The following ANKS1B variants were observed in gnomAD, a reference collection of about 807,000 sequenced individuals.
ANKS1B encodes ankyrin repeat and sterile alpha motif domain-containing protein 1B.
ANKS1B carries 36 observed loss-of-function variants against 148.3 expected under a neutral mutation model. The observed-to-expected ratio is 0.24, with a 90% CI of 0.19 to 0.32. ANKS1B has a LOEUF of 0.32. Ranked by LOEUF, ANKS1B falls within the 10% of genes least tolerant of loss-of-function variation. The pLI, the probability that ANKS1B is intolerant of heterozygous loss-of-function variation, is 1.00. For synonymous variants in ANKS1B, 542 were observed against 560.8 expected (o/e 0.97, Z 0.47); for missense variants, 1,157 against 1,542.6 (o/e 0.75, Z 4.19).
In ANKS1B at chr12:99,060,512, C is replaced by T. The variant is rs557067817; in HGVS notation, c.2626-7203G>A. ...TTTAAAAAGAAATGTTTGAAAACCACGAATCTAGAAGACTTTTGTAAGATT... is the reference window on the plus strand; with the variant it reads ...TTTAAAAAGAAATGTTTGAAAACCATGAATCTAGAAGACTTTTGTAAGATT... On this transcript the variant is annotated intron_variant, in intron 16 of 26. Transcript: ENST00000683438. 5.9e-5 allele frequency among the ~76,000 whole-genome samples: 9 copies of T among 152,054 alleles called. No homozygotes were observed. In the East Asian group the frequency reaches 1.5e-3, roughly 26 times the overall value.
chr12:98,774,761 C>T (rs1298128096), intron 24 of ANKS1B, among the ~76,000 whole-genome samples: 1 of 152,156 alleles, frequency 6.6e-6, no homozygotes, highest in Non-Finnish European at 1.5e-5. Flanking sequence ...CCTCACTTTA[C>T]CAAGCTGAGT....
intron 14 of ANKS1B, among the ~76,000 whole-genome samples, chr12:99,215,180 G>C (rs2083969054): frequency 6.6e-6 from 1 of 152,332 alleles, no homozygotes; most frequent in African/African-American, 2.4e-5. Context: ...CTTACATGTG[G>C]TGTTGGGCCT....
chr12:99,883,078 G>A (rs1033180661), intron 1 of ANKS1B, among the ~76,000 whole-genome samples: 20 of 152,214 alleles, frequency 1.3e-4, no homozygotes, highest in African/African-American at 4.8e-4. Context: ...GAAAGGAAGA[G>A]AGAACAACAG....
chr12:99,521,769 G>A (rs1238261604), intron 9 of ANKS1B, among the ~76,000 whole-genome samples: 2 of 152,018 alleles, frequency 1.3e-5, no homozygotes, highest in African/African-American at 4.8e-5. Flanking sequence ...CCTGGAACTT[G>A]GGGTATGGTG....
chr12:98,991,967 A>C (rs575053823), intron 17 of ANKS1B, among the ~76,000 whole-genome samples: 71 of 152,330 alleles, frequency 4.7e-4, no homozygotes, highest in Non-Finnish European at 6.9e-4. Flanking sequence ...TATGAAAAAG[A>C]TAATAATAGA....
chr12:98,785,563 T>C (rs2098784709), intron 22 of ANKS1B, among the ~76,000 whole-genome samples: 1 of 152,186 alleles, frequency 6.6e-6, no homozygotes, highest in African/African-American at 2.4e-5. Flanking sequence ...ATCTAGTAAG[T>C]GCCCACTTCA....
chr12:99,273,660 T>C (rs1368048360), intron 12 of ANKS1B, among the ~76,000 whole-genome samples: 2 of 131,720 alleles, frequency 1.5e-5, no homozygotes, highest in Non-Finnish European at 3.1e-5. Flanking sequence ...CACTGGAACC[T>C]CCACCCCTCC....
At chr12:98,871,795 T>C (rs1019044143) in intron 17 of ANKS1B, among the ~76,000 whole-genome samples, 1 of 152,162 alleles carries the variant, frequency 6.6e-6, no homozygotes, top group Admixed American at 6.5e-5. Flanking sequence ...GGGAACAAAT[T>C]ACTGGAATTT....
In ANKS1B at chr12:99,139,440, TTTTC is replaced by T. The variant is rs1427673775; in HGVS notation, c.2526+14845_2526+14848del. The stretch of plus-strand genomic sequence containing the variant: ...TTTCTTTCTTTCTTTCTTTCTTTCT[TTTTC>T]TTTCTTTCTTTCTTTCAAGATAGGA... On this transcript the variant is annotated intron_variant, in intron 15 of 26. Transcript: ENST00000683438. Among the ~76,000 whole-genome samples the T allele has an allele frequency of 3.8e-3, 18 of 4,732 alleles. 6 individuals carry two copies. In the East Asian group the frequency reaches 0.47, roughly 123 times the overall value. The allele number at this position is 4,732 out of a possible 152,430, so 3.1% of individuals were successfully genotyped here.
intron 17 of ANKS1B, among the ~76,000 whole-genome samples, chr12:98,952,746 T>C (rs1216142286): frequency 6.6e-6 from 1 of 152,216 alleles, no homozygotes; most frequent in African/African-American, 2.4e-5. Flanking sequence ...AATCCAGATA[T>C]CTAAATCCAA....
intron 8 of ANKS1B, among the ~76,000 whole-genome samples, chr12:99,769,012 CT>C (rs11431790): frequency 0.18 from 26,591 of 146,424 alleles, 2,812 homozygotes; most frequent in East Asian, 0.49. Context: ...GAAATAAATG[CT>C]TTTTTTTTTT....
At chr12:99,850,281 G>GTCTCTCCCTCTCTCCCTCTCTC (rs57015094) in intron 1 of ANKS1B, among the ~76,000 whole-genome samples, 5 of 114,206 alleles carry the variant, frequency 4.4e-5, no homozygotes, top group Admixed American at 8.6e-5. Context: ...AAGCAAGAAA[G>GTCTCTCCCTCTCTCCCTCTCTC]TCTCTCTCTC....
rs145845935 is a variant in ANKS1B, at chr12:99,066,227, G to A, written c.2626-12918C>T. On this transcript the variant is annotated intron_variant, in intron 16 of 26. Coordinates refer to ENST00000683438, the MANE Select transcript of ANKS1B (RefSeq NM_001352186.2). ...GCTACTCAGGAGGTTAGGTTGAGGC[G>A]CGAGAATTGCTTGAACCCAGGAGGC... 5.9e-4 allele frequency among the ~76,000 whole-genome samples: 90 copies of A among 152,176 alleles called. 1 individual carries two copies. The highest frequency in any genetic ancestry group is 6.8e-3 in the Middle Eastern group (2 of 294).
At chr12:99,712,611 G>T (rs2056790807) in intron 8 of ANKS1B, among the ~76,000 whole-genome samples, 1 of 152,200 alleles carries the variant, frequency 6.6e-6, no homozygotes, top group Non-Finnish European at 1.5e-5. Flanking sequence ...GGATCTATGG[G>T]TGAGGCTCTG....
intron 14 of ANKS1B, among the ~76,000 whole-genome samples, chr12:99,168,809 T>A (rs2077457156): frequency 1.3e-5 from 2 of 152,158 alleles, no homozygotes; most frequent in Admixed American, 1.3e-4. Flanking sequence ...GGCATGTTCT[T>A]AATATCAGTC....
chr12:98,805,299 C>T (rs2099041632), intron 20 of ANKS1B, among the ~76,000 whole-genome samples: 1 of 74,526 alleles, frequency 1.3e-5, no homozygotes, highest in African/African-American at 5.7e-5. Flanking sequence ...TATATGTATG[C>T]TTAAGGCCTT....
At chr12:98,960,301 T>C (rs11833201) in intron 17 of ANKS1B, among the ~76,000 whole-genome samples, 16,084 of 151,814 alleles carry the variant, frequency 0.11, 2,285 homozygotes, top group African/African-American at 0.32. Flanking sequence ...GAGAGAGAGA[T>C]GCCATTTGTT....
intron 12 of ANKS1B, among the ~76,000 whole-genome samples, chr12:99,332,099 C>T (rs1415021010): frequency 6.6e-6 from 1 of 151,920 alleles, no homozygotes; most frequent in East Asian, 1.9e-4. Flanking sequence ...ATGAGAAATC[C>T]TTTCCCTCGA....
intron 1 of ANKS1B, among the ~76,000 whole-genome samples, chr12:99,910,880 T>A (rs1425383783): frequency 6.6e-6 from 1 of 152,300 alleles, no homozygotes; most frequent in South Asian, 2.1e-4. Context: ...CTTGATTGTA[T>A]GAGAATGGTA....
Sources: allele counts gnomAD v4.1 joint callset (sites outside exome capture counted in the v4.1 genomes callset), GRCh38; gene constraint gnomAD v4.1.1; transcripts MANE v1.5; gene names NCBI Gene and HGNC (gene_info 2026-07-23, HGNC 2026-07-21).